TESK2: variants seen among roughly 807,000 people sequenced by gnomAD.
TESK2 encodes the protein testis associated actin remodelling kinase 2.
A neutral mutation model predicts 57.1 loss-of-function variants in TESK2; 39 were observed. That is an observed-to-expected ratio of 0.68 (90% CI 0.53 to 0.89). TESK2 has a LOEUF of 0.89. Ranked by LOEUF, TESK2 falls within the 40% of genes least tolerant of loss-of-function variation. TESK2 has a pLI of 0.00. For missense variants in TESK2, 646 were observed against 732.1 expected (o/e 0.88, Z 1.36); for synonymous variants, 249 against 267.9 (o/e 0.93, Z 0.69).
intron 3 of TESK2, among the ~76,000 whole-genome samples, chr1:45,412,722 C>A (rs1650081570): frequency 1.3e-5 from 2 of 152,232 alleles, no homozygotes; most frequent in South Asian, 4.1e-4. Flanking sequence ...TTTCTCATGG[C>A]ATAAATAACA....
intron 1 of TESK2, among the ~76,000 whole-genome samples, chr1:45,466,439 A>T (rs1256206408): frequency 6.6e-6 from 1 of 151,860 alleles, no homozygotes; most frequent in Non-Finnish European, 1.5e-5. Flanking sequence ...GTGCCACTGC[A>T]CTCCAGCCTG....
At chr1:45,431,399 T>TA (rs1650948312) in intron 2 of TESK2, among the ~76,000 whole-genome samples, 1 of 151,568 alleles carries the variant, frequency 6.6e-6, no homozygotes, top group African/African-American at 2.4e-5. Flanking sequence ...GCCTGGGCAA[T>TA]AGAGCGAGAA....
chr1:45,400,532 A>G (rs900295714), intron 3 of TESK2, among the ~76,000 whole-genome samples: 6 of 152,244 alleles, frequency 3.9e-5, no homozygotes, highest in Admixed American at 1.3e-4. Flanking sequence ...CTGTGATATA[A>G]CATTAACAGA....
chr1:45,397,203 T>C lies in TESK2; in HGVS notation c.345-11243A>G, dbSNP rs72892530. Among the ~76,000 whole-genome samples, 768 of 152,284 alleles carry C rather than the reference T, an allele frequency of 5.0e-3. 8 individuals carry two copies. The highest frequency in any genetic ancestry group is 0.017 in the African/African-American group (727 of 41,554). On this transcript the variant is annotated intron_variant, in intron 3 of 10. Coordinates refer to ENST00000372086, the MANE Select transcript of TESK2 (RefSeq NM_007170.3). ...CTTATATGAAATCATTTAATCCTCA[T>C]AATAACCCAATGAAGTAGTACTTTT...
intron 3 of TESK2, chr1:45,415,242 G>C: frequency 1.4e-6 from 2 of 1,451,028 alleles, no homozygotes; most frequent in African/African-American, 2.8e-5. Context: ...TCTTTGGCAA[G>C]GTGAAAGAAG....
rs201270724 is a variant in TESK2, at chr1:45,421,866, A to G, written c.223-20T>C. ...TCGTACCTAGAATATTAAATAGAAC[A>G]AGAAAAGAGGGTCAAGGGCAATAGT... On this transcript the variant is annotated intron_variant, in intron 2 of 10. Coordinates refer to ENST00000372086, the MANE Select transcript of TESK2 (RefSeq NM_007170.3). The G allele has an allele frequency of 4.8e-4, 769 of 1,613,334 alleles. 3 individuals are homozygous for G. Among genetic ancestry groups the G allele is most frequent in the Admixed American group, 4.3e-3 (255 of 59,970 alleles).
At chr1:45,443,883 T>C (rs1172006694) in intron 2 of TESK2, among the ~76,000 whole-genome samples, 1 of 152,078 alleles carries the variant, frequency 6.6e-6, no homozygotes, top group Non-Finnish European at 1.5e-5. Context: ...ACAGTAAATA[T>C]CTTAGGCTTT....
Position 45,469,891 on chromosome 1 carries a change from A to G in TESK2, c.-86-12020T>C, listed in dbSNP as rs78147967. Among the ~76,000 whole-genome samples the G allele has an allele frequency of 5.5e-4, 84 of 152,330 alleles. No individual in the cohort carries two copies. The East Asian group carries it at 0.013, about 23-fold the overall frequency. The stretch of plus-strand genomic sequence containing the variant: ...AACAAAGTAGATACAACTTCACAAT[A>G]GTCCAGACACAAATTTAATCCTGCA... On this transcript the variant is annotated intron_variant, in intron 1 of 10. Transcript: ENST00000372086.
At chr1:45,394,721 G>A (rs71653963) in intron 3 of TESK2, among the ~76,000 whole-genome samples, 5 of 94,540 alleles carry the variant, frequency 5.3e-5, no homozygotes, top group Non-Finnish European at 7.7e-5. Flanking sequence ...AGACAGAGCC[G>A]CACTCTGTTG....
In TESK2 at chr1:45,486,818, C is replaced by CACACACACACACAT. The variant is rs796420228; in HGVS notation, c.-87+4033_-87+4034insATGTGTGTGTGTGT. Among the ~76,000 whole-genome samples the CACACACACACACAT allele has an allele frequency of 1.1e-3, 156 of 140,252 alleles. 3 individuals are homozygous for CACACACACACACAT. Among genetic ancestry groups the CACACACACACACAT allele is most frequent in the African/African-American group, 4.3e-3 (152 of 35,154 alleles). 92.0% of individuals were successfully genotyped at this position (140,252 alleles called of 152,430 possible). ...ACACACACACACACACACACACACACATATATACATTTTTTTTTTTTGAGA... is the reference window on the plus strand; with the variant it reads ...ACACACACACACACACACACACACACACACACACACACATATATATACATTTTTTTTTTTTGAGA... On this transcript the variant is annotated intron_variant, in intron 1 of 10. Transcript: ENST00000372086.
intron 4 of TESK2, among the ~76,000 whole-genome samples, chr1:45,367,656 A>ATTT (rs549920468): frequency 3.8e-4 from 47 of 125,262 alleles, no homozygotes; most frequent in African/African-American, 2.7e-4. Flanking sequence ...GTCACAAAGC[A>ATTT]TTTTTTTTTT....
chr1:45,398,993 A>AC (rs1225615498), intron 3 of TESK2: 3 of 433,368 alleles, frequency 6.9e-6, no homozygotes, highest in Non-Finnish European at 1.4e-5. Flanking sequence ...GAAAAAAAAA[A>AC]AAAAAAAAAA....
chr1:45,479,608 T>G (rs931257746), intron 1 of TESK2, among the ~76,000 whole-genome samples: 1 of 151,820 alleles, frequency 6.6e-6, no homozygotes, highest in Non-Finnish European at 1.5e-5. Flanking sequence ...CAAAAAATTA[T>G]ATTATTCTAT....
At chr1:45,422,914 C>G (rs1442906595) in intron 2 of TESK2, among the ~76,000 whole-genome samples, 1 of 151,588 alleles carries the variant, frequency 6.6e-6, no homozygotes, top group African/African-American at 2.4e-5. Context: ...CGATTACAAG[C>G]GCCTGCCACC....
At chr1:45,357,060 G>A (rs1185512640) in intron 4 of TESK2, among the ~76,000 whole-genome samples, 1 of 151,966 alleles carries the variant, frequency 6.6e-6, no homozygotes, top group Non-Finnish European at 1.5e-5. Flanking sequence ...GCTGAGCATG[G>A]TAGCAGGCGT....
At chr1:45,468,838 T>C (rs754101849) in intron 1 of TESK2, among the ~76,000 whole-genome samples, 10 of 152,166 alleles carry the variant, frequency 6.6e-5, no homozygotes, top group Non-Finnish European at 1.5e-5. Flanking sequence ...AAACAAAGAA[T>C]TGTCCTGCCC....
chr1:45,409,268 C>T (rs770431177), intron 3 of TESK2, among the ~76,000 whole-genome samples: 1 of 152,032 alleles, frequency 6.6e-6, no homozygotes, highest in Non-Finnish European at 1.5e-5. Context: ...CTATTTTAGA[C>T]TAGTCAAAAA....
rs75130677 is a variant in TESK2, at chr1:45,355,946, T to C, written c.394-497A>G. Among the ~76,000 whole-genome samples, 393 of 152,332 alleles carry C rather than the reference T, an allele frequency of 2.6e-3. 5 individuals are homozygous for C. The East Asian group carries it at 0.07, about 27-fold the overall frequency. On this transcript the variant is annotated intron_variant, in intron 4 of 10. Transcript: ENST00000372086. ...AGTCAGGAAGTGAGGCTGACATGTTTTGCTAAGATATGTGAACTTTATCCT... is the reference window on the plus strand; with the variant it reads ...AGTCAGGAAGTGAGGCTGACATGTTCTGCTAAGATATGTGAACTTTATCCT...
chr1:45,366,094 C>T (rs1436584708), intron 4 of TESK2, among the ~76,000 whole-genome samples: 1 of 151,674 alleles, frequency 6.6e-6, no homozygotes, highest in African/African-American at 2.4e-5. Context: ...CAAGCATGAA[C>T]CACCACACTG....
Sources: allele counts gnomAD v4.1 joint callset (sites outside exome capture counted in the v4.1 genomes callset), GRCh38; gene constraint gnomAD v4.1.1; transcripts MANE v1.5; gene names NCBI Gene and HGNC (gene_info 2026-07-23, HGNC 2026-07-21).